KLRK1: variants seen among roughly 807,000 people sequenced by gnomAD.
The protein encoded by KLRK1 is NKG2-D type II integral membrane protein.
Under a neutral mutation model 31.3 loss-of-function variants are expected in KLRK1, and 40 were observed. The ratio of observed to expected loss-of-function variants is 1.28; its 90% CI spans 0.99 to 1.67. KLRK1 has a LOEUF of 1.67. Among genes scored for constraint, KLRK1 ranks in the 40% most tolerant of loss-of-function variants. The pLI is 0.00. For missense variants in KLRK1, 251 were observed against 260.0 expected (o/e 0.97, Z 0.24); for synonymous variants, 77 against 77.3 (o/e 1.00, Z 0.02).
chr12:10,378,140 T>C lies in KLRK1; in HGVS notation c.525A>G (p.Ser175=). The change falls in exon 7 of 8, where the codon TCA becomes TCG. Residue 175 remains serine (S), a synonymous_variant. Coordinates refer to ENST00000240618, the MANE Select transcript of KLRK1 (RefSeq NM_007360.4). ...SWQWEDGSIL[S]PNLLTIIEMQ... ...TTGGGTCAGAGACTTACAGGTTGGG[T>C]GAGAGAATGGAGCCATCTTCCCACT... is the stretch of plus-strand genomic sequence containing the variant. 6.2e-7 allele frequency: 1 copy of C among 1,613,934 alleles called. No individual in the cohort carries two copies. The highest frequency in any genetic ancestry group is 8.5e-7 in the Non-Finnish European group (1 of 1,179,916).
intron 5 of KLRK1, 123 bp downstream of exon 5, chr12:10,379,324 A>T: frequency 2.4e-6 from 1 of 425,220 alleles, no homozygotes; most frequent in Non-Finnish European, 3.9e-6. Context: ...AACAGAAGCC[A>T]TAGTGTATTA....
Position 10,372,841 on chromosome 12 carries a change from C to T in KLRK1, c.*273G>A, listed in dbSNP as rs1004473133. On this transcript the variant is annotated 3_prime_UTR_variant, in exon 8 of 8. Coordinates refer to ENST00000240618, the MANE Select transcript of KLRK1 (RefSeq NM_007360.4). ...ACCTTTAGAAATTAAAACAGCACCC[C>T]TCCCCCAGCCCATCCACTCTGGGCT... is the stretch of plus-strand genomic sequence containing the variant. The T allele has an allele frequency of 2.2e-5, 8 of 363,526 alleles. No individual in the cohort carries two copies. Among genetic ancestry groups the T allele is most frequent in the African/African-American group, 1.8e-4 (8 of 45,504 alleles). 22.5% of individuals were successfully genotyped at this position (363,526 alleles called of 1,614,324 possible). A position where few individuals can be genotyped will look rare whatever the true frequency, so the allele number is the denominator to read the frequency against.
At chr12:10,377,615 A>C (rs1862990606) in intron 7 of KLRK1, among the ~76,000 whole-genome samples, 1 of 152,172 alleles carries the variant, frequency 6.6e-6, no homozygotes, top group Non-Finnish European at 1.5e-5. Context: ...GACTGGAAAG[A>C]GAAAGAGGTA....
intron 7 of KLRK1, 119 bp from the exon 8 acceptor site, chr12:10,373,350 A>G: frequency 1.3e-6 from 1 of 763,524 alleles, no homozygotes; most frequent in Non-Finnish European, 2.0e-6. Context: ...GAGATTATGG[A>G]CCATGCCTGG....
At chr12:10,385,886 A>G (rs1314468791) in intron 3 of KLRK1, among the ~76,000 whole-genome samples, 1 of 152,034 alleles carries the variant, frequency 6.6e-6, no homozygotes. Context: ...ATGTATAATT[A>G]TTACATGCCA....
intron 5 of KLRK1, chr12:10,378,908 C>T: frequency 2.0e-6 from 1 of 502,286 alleles, no homozygotes; most frequent in Non-Finnish European, 3.2e-6. Context: ...AATCCTAGCA[C>T]TTTGGGAGGC....
Position 10,372,623 on chromosome 12 carries a change from C to A in KLRK1, c.*491G>T, listed in dbSNP as rs1413941634. On this transcript the variant is annotated 3_prime_UTR_variant, in exon 8 of 8. Coordinates refer to ENST00000240618, the MANE Select transcript of KLRK1 (RefSeq NM_007360.4). ...TCATGGCCCACTGGGGCAGCACCAC[C>A]TCCCTGACCCCGTTGGGTGGAGGAC... The A allele has an allele frequency of 6.0e-6, 1 of 167,420 alleles. No homozygotes were observed. The allele number at this position is 167,420 out of a possible 1,614,324, so 10.4% of individuals were successfully genotyped here. A position where few individuals can be genotyped will look rare whatever the true frequency, so the allele number is the denominator to read the frequency against.
At chr12:10,378,436 G>T in intron 6 of KLRK1, 118 bp downstream of exon 6, 2 of 1,475,050 alleles carry the variant, frequency 1.4e-6, no homozygotes, top group East Asian at 2.3e-5. Flanking sequence ...AAGATTTAGG[G>T]TTGGTATTAG....
chr12:10,373,695 A>AGTGT (rs10537864), intron 7 of KLRK1, among the ~76,000 whole-genome samples: 2 of 146,932 alleles, frequency 1.4e-5, no homozygotes, highest in African/African-American at 5.4e-5. Context: ...AGTGTGTATA[A>AGTGT]GTGTGTGTGT....
At position 10,378,236 on chromosome 12, in the gene KLRK1, CT is replaced by C; in HGVS notation, c.430-2del. 1 of 1,610,112 alleles carries C rather than the reference CT, an allele frequency of 6.2e-7. No homozygotes were observed. The highest frequency in any genetic ancestry group is 8.5e-7 in the Non-Finnish European group (1 of 1,178,812). On this transcript the variant is annotated splice_acceptor_variant, in intron 6 of 7. Coordinates refer to ENST00000240618, the MANE Select transcript of KLRK1 (RefSeq NM_007360.4). LOFTEE classifies it high-confidence loss of function. Reference sequence around the variant, plus strand: ...ATGACTTCACCAGTTTAAGTAAATCCTGTTTGAAACCACAAATAAACTATAA... The same window carrying C: ...ATGACTTCACCAGTTTAAGTAAATCCGTTTGAAACCACAAATAAACTATAA...
chr12:10,378,349 A>ACTAACTGGCATAATTC, intron 6 of KLRK1, 114 bp from the exon 7 acceptor site: 2 of 1,317,024 alleles, frequency 1.5e-6, no homozygotes, highest in African/African-American at 3.0e-5. Flanking sequence ...CATTCTGTCC[A>ACTAACTGGCATAATTC]CTAACTGGCA....
At chr12:10,384,110 G>A (rs183395396) in intron 3 of KLRK1, among the ~76,000 whole-genome samples, 44 of 151,940 alleles carry the variant, frequency 2.9e-4, no homozygotes, top group Non-Finnish European at 4.3e-4. Flanking sequence ...AACCAAAGAG[G>A]ATGCAAAAAA....
chr12:10,373,296 C>T, intron 7 of KLRK1, 65 bp from the exon 8 acceptor site: 1 of 1,386,528 alleles, frequency 7.2e-7, no homozygotes, highest in Non-Finnish European at 9.8e-7. Context: ...AAAAATGAAT[C>T]ATACCTATTG....
At chr12:10,378,259 A>G in intron 6 of KLRK1, 24 bp from the exon 7 acceptor site, 1 of 1,603,722 alleles carries the variant, frequency 6.2e-7, no homozygotes, top group Non-Finnish European at 8.5e-7. Context: ...CAAATAAACT[A>G]TAAGTAAAAT....
intron 3 of KLRK1, among the ~76,000 whole-genome samples, chr12:10,381,010 C>T (rs1441189825): frequency 1.3e-5 from 2 of 152,160 alleles, no homozygotes; most frequent in East Asian, 3.8e-4. Flanking sequence ...TGTAGCATAG[C>T]CACACCAGGT....
rs1863150499 is a variant in KLRK1 at position 10,385,408 on chromosome 12, T to C, written c.148+1495A>G. On this transcript the variant is annotated intron_variant, in intron 3 of 7. Coordinates refer to ENST00000240618, the MANE Select transcript of KLRK1 (RefSeq NM_007360.4). ...CACACACACACACAGAGGAATACCATTCAGTCATAAAAAAAAGAATGAAAA... is the reference window on the plus strand; with the variant it reads ...CACACACACACACAGAGGAATACCACTCAGTCATAAAAAAAAGAATGAAAA... Among the ~76,000 whole-genome samples the C allele has an allele frequency of 3.5e-5, 4 of 114,876 alleles. No individual in the cohort carries two copies. The South Asian group carries it at 1.0e-3, about 29-fold the overall frequency. The allele number at this position is 114,876 out of a possible 152,430, so 75.4% of individuals were successfully genotyped here.
At chr12:10,378,435 G>T in intron 6 of KLRK1, 119 bp downstream of exon 6, 2 of 1,473,548 alleles carry the variant, frequency 1.4e-6, no homozygotes, top group Non-Finnish European at 1.8e-6. Context: ...AAAGATTTAG[G>T]GTTGGTATTA....
Position 10,376,225 on chromosome 12 carries a change from A to AAAAC in KLRK1, c.533+1903_533+1906dup, listed in dbSNP as rs552631270. Among the ~76,000 whole-genome samples, 32 of 152,332 alleles carry AAAAC rather than the reference A, an allele frequency of 2.1e-4. No homozygotes were observed. In the South Asian group the frequency reaches 6.0e-3, roughly 29 times the overall value. On this transcript the variant is annotated intron_variant, in intron 7 of 7. Coordinates refer to ENST00000240618, the MANE Select transcript of KLRK1 (RefSeq NM_007360.4). ...AAAGGTTATCACATAGAATACATAG[A>AAAAC]AAACAGCAGAATAAACATTTCTGAT... is the stretch of plus-strand genomic sequence containing the variant.
intron 4 of KLRK1, 109 bp from the exon 5 acceptor site, chr12:10,379,591 C>G: frequency 7.5e-7 from 1 of 1,331,768 alleles, no homozygotes; most frequent in Non-Finnish European, 1.0e-6. Flanking sequence ...GACAAAGATA[C>G]ATTTAATATT....
Sources: gnomAD v4.1 joint callset for allele counts (sites outside exome capture counted in the v4.1 genomes callset) on GRCh38, gnomAD v4.1.1 for gene constraint, MANE v1.5 for transcripts, NCBI Gene and HGNC (gene_info 2026-07-23, HGNC 2026-07-21) for gene names.